Variants in PLXNA4 observed in about 807,000 individuals in gnomAD.
PLXNA4 encodes the protein plexin-A4.
PLXNA4 carries 44 observed loss-of-function variants against 191.8 expected under a neutral mutation model. The observed-to-expected ratio is 0.23, with a 90% CI of 0.18 to 0.29. The LOEUF is 0.29. Ranked by LOEUF, PLXNA4 falls within the 10% of genes least tolerant of loss-of-function variation. The pLI, the probability that PLXNA4 is intolerant of heterozygous loss-of-function variation, is 1.00. For synonymous variants in PLXNA4, 1,082 were observed against 1,009.5 expected (o/e 1.07, Z -1.36); for missense variants, 1,800 against 2,488.8 (o/e 0.72, Z 5.89).
intron 3 of PLXNA4, among the ~76,000 whole-genome samples, chr7:132,304,820 C>CT (rs1456321957): frequency 1.3e-5 from 2 of 152,104 alleles, no homozygotes; most frequent in Non-Finnish European, 2.9e-5. Flanking sequence ...GCTGCAACCC[C>CT]TTTGTGTCTC....
At chr7:132,282,058 A>G (rs184063405) in intron 4 of PLXNA4, among the ~76,000 whole-genome samples, 42 of 152,340 alleles carry the variant, frequency 2.8e-4, no homozygotes, top group African/African-American at 9.4e-4. Flanking sequence ...TCTCTAATGC[A>G]TGAATGACTG....
At chr7:132,322,441 C>T (rs1284743777) in intron 3 of PLXNA4, among the ~76,000 whole-genome samples, 2 of 152,178 alleles carry the variant, frequency 1.3e-5, no homozygotes, top group Non-Finnish European at 2.9e-5. Context: ...CCTCGGCCTC[C>T]CAAAGTGCTG....
At chr7:132,372,987 T>C (rs1413619682) in intron 3 of PLXNA4, among the ~76,000 whole-genome samples, 1 of 152,372 alleles carries the variant, frequency 6.6e-6, no homozygotes, top group African/African-American at 2.4e-5. Flanking sequence ...ATGCCAACTA[T>C]ATAATGCCAA....
intron 1 of PLXNA4, among the ~76,000 whole-genome samples, chr7:132,527,290 T>C (rs1040569135): frequency 1.3e-5 from 2 of 152,078 alleles, no homozygotes; most frequent in Non-Finnish European, 2.9e-5. Context: ...CTGAGTTTTA[T>C]TTTGCTCAGC....
intron 3 of PLXNA4, among the ~76,000 whole-genome samples, chr7:132,354,186 C>CGTGTGTGTGT (rs59554805): frequency 4.5e-5 from 6 of 132,568 alleles, no homozygotes; most frequent in African/African-American, 1.8e-4. Flanking sequence ...ACAGTGTGTG[C>CGTGTGTGTGT]GTGTGTGTGT....
chr7:132,507,424 T>A, intron 2 of PLXNA4, 82 bp downstream of exon 2: 1 of 1,424,414 alleles, frequency 7.0e-7, no homozygotes, highest in Non-Finnish European at 9.4e-7. Flanking sequence ...GGAAGGATGA[T>A]ACACATCCCA....
intron 2 of PLXNA4, among the ~76,000 whole-genome samples, chr7:132,633,022 A>C (rs1803523623): frequency 6.6e-6 from 1 of 151,972 alleles, no homozygotes; most frequent in Non-Finnish European, 1.5e-5. Flanking sequence ...AGGAGCGAAA[A>C]CCTGTGTCTG....
chr7:132,309,108 A>T (rs1373730651), intron 3 of PLXNA4, among the ~76,000 whole-genome samples: 1 of 152,170 alleles, frequency 6.6e-6, no homozygotes, highest in African/African-American at 2.4e-5. Context: ...GGACCCAGAG[A>T]ACTTCCCGTG....
At chr7:132,258,345 C>T (rs1799504878) in intron 4 of PLXNA4, among the ~76,000 whole-genome samples, 1 of 151,976 alleles carries the variant, frequency 6.6e-6, no homozygotes, top group South Asian at 2.1e-4. Flanking sequence ...TTAGATTTTC[C>T]CTTTTCTTCT....
At chr7:132,188,990 AAAGGAGAGAGAGAGAGAG>A (rs1796979417) in intron 14 of PLXNA4, among the ~76,000 whole-genome samples, 1 of 47,326 alleles carries the variant, frequency 2.1e-5, no homozygotes. Context: ...AAAGGAAAGG[AAAGGAGAGAGAGAGAGAG>A]AGAGAGAGAG....
At chr7:132,132,482 G>T (rs879934249) in intron 31 of PLXNA4, among the ~76,000 whole-genome samples, 1,083 of 74,210 alleles carry the variant, frequency 0.015, 38 homozygotes, top group African/African-American at 0.02. Context: ...GCTCTGCTCT[G>T]CTCTGCTCTA....
intron 3 of PLXNA4, among the ~76,000 whole-genome samples, chr7:132,328,533 T>A (rs776418084): frequency 1.1e-4 from 16 of 152,140 alleles, no homozygotes; most frequent in Non-Finnish European, 2.4e-4. Flanking sequence ...GATGTAAGAA[T>A]CAGAGGGCCT....
chr7:132,462,186 C>T (rs927670754), intron 3 of PLXNA4, among the ~76,000 whole-genome samples: 6 of 152,096 alleles, frequency 3.9e-5, no homozygotes, highest in Non-Finnish European at 8.8e-5. Flanking sequence ...TTCTTAACTT[C>T]GATGCTTTAG....
chr7:132,442,781 G>A (rs533577904), intron 3 of PLXNA4, among the ~76,000 whole-genome samples: 1 of 152,310 alleles, frequency 6.6e-6, no homozygotes, highest in East Asian at 1.9e-4. Context: ...GCCCGCATCA[G>A]CAATACCTTC....
chr7:132,186,086 C>T (rs1020508), intron 15 of PLXNA4, among the ~76,000 whole-genome samples: 7 of 152,044 alleles, frequency 4.6e-5, no homozygotes, highest in East Asian at 1.9e-4. Flanking sequence ...CAGCTCTCAG[C>T]GTAGCTCCCT....
chr7:132,214,996 C>T (rs958946568), intron 9 of PLXNA4, among the ~76,000 whole-genome samples: 3 of 152,158 alleles, frequency 2.0e-5, no homozygotes, highest in Non-Finnish European at 4.4e-5. Context: ...TCCTCCCAAC[C>T]CAGGTTGCGT....
At chr7:132,618,810 G>T (rs1204490942) in intron 2 of PLXNA4, among the ~76,000 whole-genome samples, 1 of 152,116 alleles carries the variant, frequency 6.6e-6, no homozygotes, top group Non-Finnish European at 1.5e-5. Context: ...TCATATACAT[G>T]AAATATATCA....
chr7:132,355,475 C>CA (rs918544701), intron 3 of PLXNA4, among the ~76,000 whole-genome samples: 1 of 152,182 alleles, frequency 6.6e-6, no homozygotes, highest in Non-Finnish European at 1.5e-5. Flanking sequence ...TGGCTGTGAG[C>CA]AAAAAGTGCA....
intron 2 of PLXNA4, among the ~76,000 whole-genome samples, chr7:132,492,689 G>A (rs900765627): frequency 2.6e-5 from 4 of 152,110 alleles, no homozygotes; most frequent in Non-Finnish European, 4.4e-5. Context: ...TTGAAACAGT[G>A]GAAAAATCAC....
Sources: gnomAD v4.1 joint callset for allele counts (sites outside exome capture counted in the v4.1 genomes callset) on GRCh38, gnomAD v4.1.1 for gene constraint, MANE v1.5 for transcripts, NCBI Gene and HGNC (gene_info 2026-07-23, HGNC 2026-07-21) for gene names.